KLHL10: variants seen among roughly 807,000 people sequenced by gnomAD.
KLHL10 encodes the protein kelch like family member 10, also known as kelch-like protein 10.
In KLHL10, 11 loss-of-function variants were observed where a neutral mutation model predicts 46.6. The ratio of observed to expected loss-of-function variants is 0.24; its 90% CI spans 0.15 to 0.39. The LOEUF is 0.39. KLHL10 is among the 10% of genes least tolerant of loss of function. The pLI is 1.00. For synonymous variants in KLHL10, 254 were observed against 279.1 expected, an observed-to-expected ratio of 0.91 and a Z score of 0.90; for missense variants, 475 against 789.8, an observed-to-expected ratio of 0.60 and a Z score of 4.78.
intron 1 of KLHL10, among the ~76,000 whole-genome samples, chr17:41,838,467 G>C (rs1555620428): frequency 3.3e-5 from 5 of 151,740 alleles, no homozygotes; most frequent in South Asian, 2.1e-4. Context: ...TCGCTATGTT[G>C]CCCAGGCTGG....
intron 4 of KLHL10, 66 bp downstream of exon 4, chr17:41,847,476 G>T: frequency 6.3e-7 from 1 of 1,586,558 alleles, no homozygotes; most frequent in Admixed American, 1.7e-5. Context: ...ATTAGTAAAT[G>T]GGTTTATGCT....
rs943572144 is a variant in KLHL10 at position 41,841,740 on chromosome 17, C to T, written c.195-83C>T. The T allele has an allele frequency of 9.7e-6, 15 of 1,552,576 alleles. No individual in the cohort carries two copies. The East Asian group carries it at 3.1e-4, about 33-fold the overall frequency. On this transcript the variant is annotated intron_variant, in intron 1 of 4. Transcript: ENST00000293303. The stretch of plus-strand genomic sequence containing the variant: ...ACTGTATATAGCACATGCCTGCACC[C>T]CACTTTCTCAGACCATTTCCAATGT...
At chr17:41,847,518 T>A in intron 4 of KLHL10, 108 bp downstream of exon 4, 2 of 1,373,410 alleles carry the variant, frequency 1.5e-6, no homozygotes, top group South Asian at 1.2e-5. Flanking sequence ...AGCTTTTTTT[T>A]TTTTTGAGAT....
chr17:41,845,641 A>C lies in KLHL10; in HGVS notation c.1200A>C (p.Leu400=), dbSNP rs782641579. ...GAGGATTTGATGGCTACGTGCGTCT[A>C]AACACTGCTGAACGTTATGAGCCAG... ...AMGGFDGYVR[L]NTAERYEPET... The change falls in exon 3 of 5, where the codon CTA becomes CTC. Residue 400 remains leucine, a synonymous_variant. Transcript: ENST00000293303. 2.5e-6 allele frequency: 4 copies of C among 1,613,256 alleles called. No homozygotes were observed. Among genetic ancestry groups the C allele is most frequent in the Admixed American group, 3.3e-5 (2 of 59,960 alleles).
Position 41,847,150 on chromosome 17 carries a change from G to A in KLHL10, c.1303-111G>A, listed in dbSNP as rs543816692. ...GCAATGCATGCACATACAAAAAAAAGAAATTCAGACTGTACAGACTGGAAT... is the reference window on the plus strand; with the variant it reads ...GCAATGCATGCACATACAAAAAAAAAAAATTCAGACTGTACAGACTGGAAT... On this transcript the variant is annotated intron_variant, in intron 3 of 4. Transcript: ENST00000293303. The A allele has an allele frequency of 8.1e-5, 78 of 957,718 alleles. No individual in the cohort carries two copies. The East Asian group carries it at 8.5e-4, about 10-fold the overall frequency. 59.3% of individuals were successfully genotyped at this position (957,718 alleles called of 1,614,324 possible). A position where few individuals can be genotyped will look rare whatever the true frequency, so the allele number is the denominator to read the frequency against.
intron 1 of KLHL10, among the ~76,000 whole-genome samples, chr17:41,838,642 T>G (rs1289515376): frequency 2.0e-5 from 2 of 97,674 alleles, no homozygotes; most frequent in African/African-American, 7.6e-5. Context: ...TCTTTTTTTT[T>G]TTTGTTTGTT....
chr17:41,846,348 C>T (rs1597940691), intron 3 of KLHL10, among the ~76,000 whole-genome samples: 1 of 152,034 alleles, frequency 6.6e-6, no homozygotes, highest in Admixed American at 6.6e-5. Context: ...TGGTGAAACC[C>T]TGTCTCTACT....
At chr17:41,836,025 G>T, upstream of KLHL10, 1 of 1,449,326 alleles carries the variant, frequency 6.9e-7, no homozygotes, top group Non-Finnish European at 9.1e-7. Context: ...CCCGGGGCTC[G>T]CTCGGGCGCG....
At chr17:41,843,857 G>A (rs879990539) in intron 2 of KLHL10, among the ~76,000 whole-genome samples, 8 of 151,946 alleles carry the variant, frequency 5.3e-5, no homozygotes, top group Non-Finnish European at 8.8e-5. Context: ...TGCCTCCCAG[G>A]TTCACGCCAT....
chr17:41,836,319 GC>G, upstream of KLHL10: 1 of 1,228,846 alleles, frequency 8.1e-7, no homozygotes, highest in Non-Finnish European at 1.0e-6. Flanking sequence ...CGGGGGTGGG[GC>G]CGAGAATCGA....
chr17:41,836,623 G>A (rs2048164162), upstream of KLHL10, among the ~76,000 whole-genome samples: 2 of 152,072 alleles, frequency 1.3e-5, no homozygotes, highest in African/African-American at 4.8e-5. Flanking sequence ...AAGAGTTCGA[G>A]ACCAGCCTGG....
intron 1 of KLHL10, among the ~76,000 whole-genome samples, chr17:41,841,227 A>C (rs1463595310): frequency 6.6e-6 from 1 of 152,226 alleles, no homozygotes; most frequent in Non-Finnish European, 1.5e-5. Flanking sequence ...TGGATGGGGA[A>C]ACAGGCATTA....
chr17:41,836,362 G>A, upstream of KLHL10: 9 of 1,225,172 alleles, frequency 7.3e-6, no homozygotes, highest in Non-Finnish European at 8.1e-6. Flanking sequence ...ATCCGGGTGG[G>A]CTTGCCGGTT....
upstream of KLHL10, chr17:41,836,197 G>A (rs1211425770): frequency 4.0e-6 from 5 of 1,249,768 alleles, no homozygotes; most frequent in African/African-American, 4.7e-5. Context: ...CTGCCATCCC[G>A]TTCGAGGCCT....
At chr17:41,843,729 A>G (rs1355285600) in intron 2 of KLHL10, among the ~76,000 whole-genome samples, 7 of 151,502 alleles carry the variant, frequency 4.6e-5, no homozygotes, top group African/African-American at 1.7e-4. Context: ...TGTATATATC[A>G]CCTCCCCATA....
At chr17:41,836,305 G>GGGGCGGGGGTGGGGCCGGGGGCA, upstream of KLHL10, 1 of 1,230,390 alleles carries the variant, frequency 8.1e-7, no homozygotes, top group Non-Finnish European at 1.0e-6. Flanking sequence ...GGCCGGGGGC[G>GGGGCGGGGGTGGGGCCGGGGGCA]GGGCGGGGGT....
Position 41,848,207 on chromosome 17 carries a change from C to T in KLHL10, c.1727C>T (p.Ala576Val). 1 of 1,614,040 alleles carries T rather than the reference C, an allele frequency of 6.2e-7. No homozygotes were observed. The highest frequency in any genetic ancestry group is 8.5e-7 in the Non-Finnish European group (1 of 1,180,016). Reference protein sequence around the residue: ...ALSCCVVPGLANVEEYAARRD... With the variant: ...ALSCCVVPGLVNVEEYAARRD... ...AGCTGCTGTGTAGTACCAGGGCTGG[C>T]CAATGTTGAGGAATATGCAGCTAGA... Residue 576 changes from alanine to valine, a missense_variant, in exon 5 of 5, where the codon GCC (alanine) becomes GTC (valine). Ala to Val is a moderately conservative substitution (Grantham distance 64). Coordinates refer to ENST00000293303, the MANE Select transcript of KLHL10 (RefSeq NM_152467.5).
Position 41,837,930 on chromosome 17 carries a change from G to T in KLHL10, c.-3G>T. ...CAGCCTCTCTCCGCTGTCCCAGGGT[G>T]CCATGGAGATGGAGAGCGCGGCGGC... On this transcript the variant is annotated 5_prime_UTR_variant, in exon 1 of 5. Coordinates refer to ENST00000293303, the MANE Select transcript of KLHL10 (RefSeq NM_152467.5). 6.2e-7 allele frequency: 1 copy of T among 1,613,626 alleles called. No homozygotes were observed. Among genetic ancestry groups the T allele is most frequent in the African/African-American group, 1.3e-5 (1 of 75,040 alleles).
At position 41,847,420 on chromosome 17, in the gene KLHL10, T is replaced by C; in HGVS notation, c.1452+10T>C. On this transcript the variant is annotated intron_variant, in intron 4 of 4. Transcript: ENST00000293303. ...AGAACATGTATATGCGGTAAGTTTA[T>C]CTAGTACCACACACACACAAAAAAC... The C allele has an allele frequency of 6.2e-7, 1 of 1,613,990 alleles. No homozygotes were observed. Among genetic ancestry groups the C allele is most frequent in the Non-Finnish European group, 8.5e-7 (1 of 1,179,936 alleles).
Sources: gnomAD v4.1 joint callset for allele counts (sites outside exome capture counted in the v4.1 genomes callset) on GRCh38, gnomAD v4.1.1 for gene constraint, MANE v1.5 for transcripts, NCBI Gene and HGNC (gene_info 2026-07-23, HGNC 2026-07-21) for gene names.